LAMA2: variants seen among roughly 807,000 people sequenced by gnomAD.
The protein encoded by LAMA2 is laminin subunit alpha 2, also known as laminin subunit alpha-2.
A neutral mutation model predicts 364.8 loss-of-function variants in LAMA2; 269 were observed. The observed-to-expected ratio is 0.74, with a 90% CI of 0.67 to 0.82. The LOEUF (loss-of-function observed/expected upper bound fraction) is 0.82, where lower values mean the gene tolerates loss of function less well. Among genes scored for constraint, LAMA2 ranks in the 40% least tolerant of loss-of-function variants. LAMA2 has a pLI of 0.00. For synonymous variants in LAMA2, 1,379 were observed against 1,370.6 expected (o/e 1.01, Z -0.14); for missense variants, 3,807 against 3,873.2 (o/e 0.98, Z 0.45).
intron 63 of LAMA2, among the ~76,000 whole-genome samples, 182 bp from the exon 64 acceptor site, chr6:129,514,191 G>C (rs2114937960): frequency 6.6e-6 from 1 of 152,184 alleles, no homozygotes; most frequent in African/African-American, 2.4e-5. Context: ...TGTGGCTCCT[G>C]GTGATTAGAT....
intron 30 of LAMA2, 75 bp from the exon 31 acceptor site, chr6:129,349,223 G>A: frequency 8.7e-7 from 1 of 1,152,992 alleles, no homozygotes; most frequent in Non-Finnish European, 1.3e-6. Flanking sequence ...CAATAACCTT[G>A]ATCATGGATA....
At chr6:128,955,300 C>G (rs183322052) in intron 1 of LAMA2, among the ~76,000 whole-genome samples, 1 of 151,962 alleles carries the variant, frequency 6.6e-6, no homozygotes, top group Non-Finnish European at 1.5e-5. Context: ...TAGATAGGAA[C>G]TATTGTTATC....
intron 4 of LAMA2, among the ~76,000 whole-genome samples, chr6:129,103,010 T>C (rs1346173824): frequency 1.3e-5 from 2 of 152,202 alleles, no homozygotes; most frequent in African/African-American, 4.8e-5. Context: ...GTCCTCCTAA[T>C]ACAGCAGGGC....
Position 129,225,671 on chromosome 6 carries a change from T to C in LAMA2, c.1783-24441T>C, listed in dbSNP as rs553943504. 1.1e-3 allele frequency among the ~76,000 whole-genome samples: 164 copies of C among 152,356 alleles called. 1 individual carries two copies. The highest frequency in any genetic ancestry group is 1.7e-3 in the Non-Finnish European group (115 of 68,036). On this transcript the variant is annotated intron_variant, in intron 12 of 64. Coordinates refer to ENST00000421865, the MANE Select transcript of LAMA2 (RefSeq NM_000426.4). ...CAGTGAGTTTCTTAATCCTGAGTTC[T>C]AGTTTGATTGCACTGTGGTCTGAGA...
intron 4 of LAMA2, among the ~76,000 whole-genome samples, chr6:129,129,937 A>AAC (rs1777366355): frequency 6.6e-6 from 1 of 151,676 alleles, no homozygotes; most frequent in Admixed American, 6.6e-5. Context: ...AAAAAAAAAA[A>AAC]AAAAAATAAC....
intron 14 of LAMA2, among the ~76,000 whole-genome samples, chr6:129,256,842 G>C (rs1786727351): frequency 7.3e-6 from 1 of 136,284 alleles, no homozygotes; most frequent in Non-Finnish European, 1.6e-5. Context: ...GGGTATTTTT[G>C]TTGTTTTAAA....
intron 37 of LAMA2, among the ~76,000 whole-genome samples, chr6:129,396,087 T>C (rs1393590542): frequency 6.6e-6 from 1 of 152,160 alleles, no homozygotes; most frequent in Non-Finnish European, 1.5e-5. Context: ...GTTGCAGAAT[T>C]TGAGTGGCTC....
At chr6:128,947,887 A>C (rs1780578744) in intron 1 of LAMA2, among the ~76,000 whole-genome samples, 1 of 152,138 alleles carries the variant, frequency 6.6e-6, no homozygotes, top group African/African-American at 2.4e-5. Flanking sequence ...AATGGAAGGG[A>C]GACGATAAAT....
At chr6:129,295,122 C>T (rs1396265235) in intron 20 of LAMA2, among the ~76,000 whole-genome samples, 2 of 152,150 alleles carry the variant, frequency 1.3e-5, no homozygotes, top group Non-Finnish European at 2.9e-5. Context: ...GGAATCTTGA[C>T]TCCACAATTG....
At chr6:129,015,236 C>G (rs1349417776) in intron 1 of LAMA2, among the ~76,000 whole-genome samples, 4 of 152,028 alleles carry the variant, frequency 2.6e-5, no homozygotes, top group Admixed American at 2.6e-4. Context: ...AAAACACATA[C>G]AGGTTTAGGC....
In LAMA2 at chr6:129,226,294, C is replaced by T. The variant is rs534540049; in HGVS notation, c.1783-23818C>T. Among the ~76,000 whole-genome samples the T allele has an allele frequency of 7.2e-5, 11 of 152,238 alleles. No individual in the cohort carries two copies. In the South Asian group the frequency reaches 2.3e-3, roughly 32 times the overall value. Reference sequence around the variant, plus strand: ...GGGTCTTGAGTCTTTATCCAATTTGCCAGTCTGTGTCTTTTAATTAGAGCA... The same window carrying T: ...GGGTCTTGAGTCTTTATCCAATTTGTCAGTCTGTGTCTTTTAATTAGAGCA... On this transcript the variant is annotated intron_variant, in intron 12 of 64. Coordinates refer to ENST00000421865, the MANE Select transcript of LAMA2 (RefSeq NM_000426.4).
chr6:128,885,197 A>C (rs935483375), intron 1 of LAMA2, among the ~76,000 whole-genome samples: 1 of 152,220 alleles, frequency 6.6e-6, no homozygotes, highest in Non-Finnish European at 1.5e-5. Context: ...GTCATAGACC[A>C]TTTACAATAT....
At chr6:128,917,823 T>C (rs534814525) in intron 1 of LAMA2, among the ~76,000 whole-genome samples, 270 of 148,570 alleles carry the variant, frequency 1.8e-3, no homozygotes, top group African/African-American at 6.4e-3. Context: ...GCCCTTGACA[T>C]CTCAGTTTCA....
chr6:129,198,948 A>G (rs923038980), intron 12 of LAMA2, among the ~76,000 whole-genome samples: 7 of 152,172 alleles, frequency 4.6e-5, no homozygotes, highest in Non-Finnish European at 7.4e-5. Flanking sequence ...AATTTTTAAA[A>G]ATGCAAAATT....
rs1350120948 is a variant in LAMA2 at position 129,492,426 on chromosome 6, C to T, written c.8187C>T (p.Ile2729=). The change falls in exon 58 of 65, where the codon ATC becomes ATT. Residue 2729 remains isoleucine, a synonymous_variant. Transcript: ENST00000421865. ...EDGAAPAEIV[I]QPEPVPTPAF... ...GAGCAGCTCCAGCTGAAATAGTTAT[C>T]CAGCCTGAGCCAGTTCCCACCCCAG... 1.2e-6 allele frequency: 2 copies of T among 1,614,104 alleles called. No individual in the cohort carries two copies. Among genetic ancestry groups the T allele is most frequent in the Middle Eastern group, 1.7e-4 (1 of 6,060 alleles).
At chr6:128,927,003 C>G (rs13198867) in intron 1 of LAMA2, among the ~76,000 whole-genome samples, 2 of 151,952 alleles carry the variant, frequency 1.3e-5, no homozygotes, top group East Asian at 1.9e-4. Context: ...TATAAACCAT[C>G]GAGCAAGCAC....
intron 1 of LAMA2, among the ~76,000 whole-genome samples, chr6:128,940,198 T>C (rs1465119049): frequency 6.6e-6 from 1 of 152,090 alleles, no homozygotes; most frequent in Non-Finnish European, 1.5e-5. Flanking sequence ...TCACCTCCAC[T>C]TACCCTACTG....
chr6:128,970,987 A>G (rs1429058203), intron 1 of LAMA2, among the ~76,000 whole-genome samples: 2 of 152,128 alleles, frequency 1.3e-5, no homozygotes, highest in Non-Finnish European at 2.9e-5. Flanking sequence ...GGGCCAAGAT[A>G]TTCATTTCTA....
chr6:129,435,616 A>G (rs550852301), intron 41 of LAMA2, among the ~76,000 whole-genome samples: 1 of 152,140 alleles, frequency 6.6e-6, no homozygotes, highest in Non-Finnish European at 1.5e-5. Flanking sequence ...TTTGTTTTTC[A>G]GTGATGTCAG....
Sources: gnomAD v4.1 joint callset for allele counts (sites outside exome capture counted in the v4.1 genomes callset) on GRCh38, gnomAD v4.1.1 for gene constraint, MANE v1.5 for transcripts, NCBI Gene and HGNC (gene_info 2026-07-23, HGNC 2026-07-21) for gene names.